CSGALNACT1: variants seen among roughly 807,000 people sequenced by gnomAD.
CSGALNACT1 encodes chondroitin sulfate N-acetylgalactosaminyltransferase 1, also known as beta4GalNAcT-1.
CSGALNACT1 carries 52 observed loss-of-function variants against 51.0 expected under a neutral mutation model. The ratio of observed to expected loss-of-function variants is 1.02; its 90% CI spans 0.82 to 1.29. The LOEUF (loss-of-function observed/expected upper bound fraction) is 1.29, where lower values mean the gene tolerates loss of function less well. CSGALNACT1 is among the 50% of genes most tolerant of loss of function. The pLI is 0.00. For synonymous variants in CSGALNACT1, 341 were observed against 254.4 expected (o/e 1.34, Z -3.24); for missense variants, 935 against 679.2 (o/e 1.38, Z -4.19).
intron 5 of CSGALNACT1, among the ~76,000 whole-genome samples, chr8:19,448,240 G>A (rs369108629): frequency 2.0e-5 from 3 of 152,146 alleles, no homozygotes; most frequent in Non-Finnish European, 1.5e-5. Context: ...CATATTATGT[G>A]GTCTAGGGAA....
rs139905937 is a variant in CSGALNACT1, at chr8:19,526,986, G to A, written c.-296-20856C>T. Among the ~76,000 whole-genome samples the A allele has an allele frequency of 7.9e-5, 12 of 152,240 alleles. No individual in the cohort carries two copies. The South Asian group carries it at 1.7e-3, about 21-fold the overall frequency. On this transcript the variant is annotated intron_variant, in intron 3 of 9. Coordinates refer to ENST00000454498, the Ensembl canonical transcript of CSGALNACT1. ...GTCTCATTCAGGATCTTAGATATCC[G>A]TATCTATATGACTCACTACATATCT...
intron 1 of CSGALNACT1, among the ~76,000 whole-genome samples, chr8:19,627,705 G>C (rs907009420): frequency 5.9e-5 from 9 of 152,236 alleles, no homozygotes; most frequent in African/African-American, 2.2e-4. Context: ...TGCACCTATA[G>C]TCCCAGCTAC....
intron 3 of CSGALNACT1, chr8:19,591,084 A>G (rs1467386089): frequency 2.0e-5 from 3 of 152,198 alleles, no homozygotes; most frequent in African/African-American, 7.2e-5. Flanking sequence ...TCAATCTCCA[A>G]AATAGGGCAG....
At chr8:19,672,322 A>G (rs999257426) in intron 1 of CSGALNACT1, among the ~76,000 whole-genome samples, 1 of 152,206 alleles carries the variant, frequency 6.6e-6, no homozygotes, top group African/African-American at 2.4e-5. Flanking sequence ...AGAACATGCA[A>G]TACCCATTAG....
chr8:19,408,265 C>T (rs1347136806), intron 9 of CSGALNACT1, among the ~76,000 whole-genome samples: 1 of 152,040 alleles, frequency 6.6e-6, no homozygotes, highest in African/African-American at 2.4e-5. Flanking sequence ...ATGCCACCTA[C>T]TACCAGGCCC....
At chr8:19,701,156 T>TTTTTTTTG (rs2061850641) in intron 1 of CSGALNACT1, among the ~76,000 whole-genome samples, 1 of 136,654 alleles carries the variant, frequency 7.3e-6, no homozygotes, top group African/African-American at 2.8e-5. Flanking sequence ...ATTATCCGTT[T>TTTTTTTTG]TTTTTTTTTT....
chr8:19,543,256 C>T (rs889518944), intron 3 of CSGALNACT1, among the ~76,000 whole-genome samples: 4 of 152,168 alleles, frequency 2.6e-5, no homozygotes, highest in African/African-American at 9.7e-5. Flanking sequence ...CCATCCTATA[C>T]TTCAGGTTCA....
intron 1 of CSGALNACT1, among the ~76,000 whole-genome samples, chr8:19,667,020 G>GAAAGAAAAGAAAGA (rs1564386482): frequency 5.9e-4 from 16 of 27,294 alleles, no homozygotes; most frequent in African/African-American, 1.1e-3. Context: ...AGAAAGAAAG[G>GAAAGAAAAGAAAGA]AAGGAAGGAA....
intron 6 of CSGALNACT1, among the ~76,000 whole-genome samples, chr8:19,436,032 A>G (rs1156848911): frequency 6.6e-6 from 1 of 152,204 alleles, no homozygotes; most frequent in Non-Finnish European, 1.5e-5. Context: ...ACAACCCTCT[A>G]ATAAATCACA....
chr8:19,457,665 A>T, intron 5 of CSGALNACT1: 1 of 1,293,124 alleles, frequency 7.7e-7, no homozygotes, highest in Non-Finnish European at 1.0e-6. Flanking sequence ...ATAATTAGAC[A>T]GTAGGATTTT....
intron 5 of CSGALNACT1, among the ~76,000 whole-genome samples, chr8:19,449,116 A>G (rs1007614478): frequency 6.6e-6 from 1 of 152,012 alleles, no homozygotes. Context: ...ATTGGGACCT[A>G]TTTTCCTGAC....
chr8:19,662,194 A>C (rs924275357), intron 1 of CSGALNACT1, among the ~76,000 whole-genome samples: 2 of 150,616 alleles, frequency 1.3e-5, no homozygotes, highest in African/African-American at 4.9e-5. Context: ...AAGGCAGGTG[A>C]TCAACATGGT....
chr8:19,739,497 C>T (rs1038626689), intron 1 of CSGALNACT1, among the ~76,000 whole-genome samples: 2 of 152,144 alleles, frequency 1.3e-5, no homozygotes, highest in Admixed American at 6.5e-5. Context: ...CACTATATCC[C>T]CTTCCTCTTC....
intron 1 of CSGALNACT1, among the ~76,000 whole-genome samples, chr8:19,660,852 T>A (rs1257480411): frequency 6.6e-6 from 1 of 152,152 alleles, no homozygotes; most frequent in African/African-American, 2.4e-5. Flanking sequence ...GGGTGTACAT[T>A]CCCAAAACCT....
At chr8:19,577,130 A>T (rs2044414618) in intron 3 of CSGALNACT1, among the ~76,000 whole-genome samples, 1 of 152,216 alleles carries the variant, frequency 6.6e-6, no homozygotes, top group Non-Finnish European at 1.5e-5. Flanking sequence ...TGTGTCGTTC[A>T]TCAAAGCCTG....
intron 1 of CSGALNACT1, among the ~76,000 whole-genome samples, chr8:19,669,306 A>C (rs917564138): frequency 2.6e-5 from 4 of 152,256 alleles, no homozygotes; most frequent in Admixed American, 2.6e-4. Context: ...CTTTCTCTTC[A>C]ATTTTATTAA....
At chr8:19,443,354 A>T (rs779998846) in intron 5 of CSGALNACT1, among the ~76,000 whole-genome samples, 8 of 152,204 alleles carry the variant, frequency 5.3e-5, no homozygotes, top group Non-Finnish European at 8.8e-5. Flanking sequence ...ACATATATGC[A>T]TATATTATGT....
rs1005144186 is a variant in CSGALNACT1, at chr8:19,581,625, C to CA, written c.-297+9534dup. Among the ~76,000 whole-genome samples, 56 of 151,838 alleles carry CA rather than the reference C, an allele frequency of 3.7e-4. 1 individual carries two copies. The East Asian group carries it at 6.6e-3, about 18-fold the overall frequency. Reference sequence around the variant, plus strand: ...TGTCTAAAAACAAAACAAAACAAAACAAAAAAAACTGGCACTTACTGTATA... The same window carrying CA: ...TGTCTAAAAACAAAACAAAACAAAACAAAAAAAAACTGGCACTTACTGTATA... On this transcript the variant is annotated intron_variant, in intron 3 of 9. Transcript: ENST00000454498.
At chr8:19,573,518 A>G (rs1033102064) in intron 3 of CSGALNACT1, among the ~76,000 whole-genome samples, 7 of 151,434 alleles carry the variant, frequency 4.6e-5, no homozygotes, top group Non-Finnish European at 8.8e-5. Context: ...ATCTCTGCTC[A>G]CTGTAACCTC....
Sources: gnomAD v4.1 joint callset for allele counts (sites outside exome capture counted in the v4.1 genomes callset) on GRCh38, gnomAD v4.1.1 for gene constraint, MANE v1.5 for transcripts, NCBI Gene and HGNC (gene_info 2026-07-23, HGNC 2026-07-21) for gene names.